RNF2: variants seen among roughly 807,000 people sequenced by gnomAD.
RNF2 encodes E3 ubiquitin-protein ligase RING2.
A neutral mutation model predicts 37.2 loss-of-function variants in RNF2; 6 were observed. That is an observed-to-expected ratio of 0.16 (90% CI 0.09 to 0.32). The LOEUF is 0.32. RNF2 is among the 10% of genes least tolerant of loss of function. The pLI, the probability that RNF2 is intolerant of heterozygous loss-of-function variation, is 1.00. For synonymous variants in RNF2, 133 were observed against 132.7 expected, an observed-to-expected ratio of 1.00 and a Z score of -0.02; for missense variants, 251 against 404.0, an observed-to-expected ratio of 0.62 and a Z score of 3.25.
Position 185,101,405 on chromosome 1 carries a change from T to C in RNF2, c.*1104T>C, listed in dbSNP as rs1320922432. ...CCCTGCTTTAATATGTAGTGAAAGATAATTCTGTAGAAAAACGTCAGCCAG... is the reference window on the plus strand; with the variant it reads ...CCCTGCTTTAATATGTAGTGAAAGACAATTCTGTAGAAAAACGTCAGCCAG... On this transcript the variant is annotated 3_prime_UTR_variant, in exon 7 of 7. Transcript: ENST00000367510. 1 of 152,566 alleles carries C rather than the reference T, an allele frequency of 6.6e-6. No homozygotes were observed. The highest frequency in any genetic ancestry group is 6.5e-5 in the Admixed American group (1 of 15,274). The allele number at this position is 152,566 out of a possible 1,614,324, so 9.5% of individuals were successfully genotyped here.
intron 1 of RNF2, among the ~76,000 whole-genome samples, chr1:185,083,609 A>G (rs1287842856): frequency 2.0e-5 from 3 of 150,942 alleles, no homozygotes; most frequent in East Asian, 1.9e-4. Flanking sequence ...GGCCAACCCT[A>G]TTTTTCTTAC....
At chr1:185,081,742 G>A (rs2102186687) in intron 1 of RNF2, among the ~76,000 whole-genome samples, 1 of 152,188 alleles carries the variant, frequency 6.6e-6, no homozygotes, top group African/African-American at 2.4e-5. Flanking sequence ...GTTGTGTGAC[G>A]TGCATTTGAG....
At chr1:185,061,955 G>A (rs1438999450) in intron 1 of RNF2, among the ~76,000 whole-genome samples, 1 of 152,176 alleles carries the variant, frequency 6.6e-6, no homozygotes, top group Non-Finnish European at 1.5e-5. Context: ...CAAGAATCTA[G>A]AAGCAGTGCT....
At chr1:185,094,817 G>A (rs1651866654) in intron 4 of RNF2, among the ~76,000 whole-genome samples, 2 of 152,258 alleles carry the variant, frequency 1.3e-5, no homozygotes, top group African/African-American at 2.4e-5. Flanking sequence ...ATTATCGTCT[G>A]ATTTATTCAG....
At chr1:185,068,142 AT>A (rs1650856670) in intron 1 of RNF2, among the ~76,000 whole-genome samples, 1 of 152,008 alleles carries the variant, frequency 6.6e-6, no homozygotes, top group South Asian at 2.1e-4. Flanking sequence ...AAGTGGTTAC[AT>A]TTTCTGAAAT....
chr1:185,076,277 T>G (rs1571311323), intron 1 of RNF2, among the ~76,000 whole-genome samples: 1 of 36,120 alleles, frequency 2.8e-5, no homozygotes, highest in Non-Finnish European at 4.9e-5. Flanking sequence ...TGTTTTTTTT[T>G]TTTTTTTTTT....
chr1:185,061,899 A>G (rs1650617946), intron 1 of RNF2, among the ~76,000 whole-genome samples: 2 of 152,234 alleles, frequency 1.3e-5, no homozygotes, highest in South Asian at 4.1e-4. Context: ...TTTACAAATG[A>G]GGAAACTGGA....
chr1:185,077,142 G>A (rs191496272), intron 1 of RNF2, among the ~76,000 whole-genome samples: 16 of 151,818 alleles, frequency 1.1e-4, no homozygotes, highest in African/African-American at 3.9e-4. Context: ...AGCCTTTTTG[G>A]CATTTTTTTT....
chr1:185,047,864 A>G (rs903279784), intron 1 of RNF2, among the ~76,000 whole-genome samples: 1 of 152,250 alleles, frequency 6.6e-6, no homozygotes, highest in African/African-American at 2.4e-5. Flanking sequence ...TGTAGAAGAC[A>G]TTGTCATCAG....
At chr1:185,058,343 A>G (rs557906781) in intron 1 of RNF2, among the ~76,000 whole-genome samples, 14 of 151,940 alleles carry the variant, frequency 9.2e-5, no homozygotes, top group Admixed American at 2.0e-4. Flanking sequence ...TCAGAACCCC[A>G]TGGATACTCA....
intron 1 of RNF2, among the ~76,000 whole-genome samples, chr1:185,059,032 C>T (rs1482180791): frequency 6.6e-6 from 1 of 152,200 alleles, no homozygotes; most frequent in Non-Finnish European, 1.5e-5. Flanking sequence ...CTAGCTTCCT[C>T]TTCCTGGTCC....
chr1:185,052,524 T>C (rs1650301058), intron 1 of RNF2, among the ~76,000 whole-genome samples: 1 of 152,116 alleles, frequency 6.6e-6, no homozygotes, highest in Admixed American at 6.5e-5. Flanking sequence ...GAAAAATCCA[T>C]AGATTGGTGG....
intron 1 of RNF2, among the ~76,000 whole-genome samples, chr1:185,084,768 C>A (rs1455605080): frequency 6.6e-6 from 1 of 152,192 alleles, no homozygotes; most frequent in Admixed American, 6.5e-5. Flanking sequence ...ATGCATATAG[C>A]AGGAATTCTA....
chr1:185,046,707 T>G (rs1169684770), intron 1 of RNF2, among the ~76,000 whole-genome samples: 1 of 152,178 alleles, frequency 6.6e-6, no homozygotes, highest in African/African-American at 2.4e-5. Context: ...TAATACGCTG[T>G]TTTTCAATTA....
Position 185,101,357 on chromosome 1 carries a change from G to T in RNF2, c.*1056G>T, listed in dbSNP as rs942637728. The T allele has an allele frequency of 6.6e-6, 1 of 152,504 alleles. No homozygotes were observed. Among genetic ancestry groups the T allele is most frequent in the Non-Finnish European group, 1.5e-5 (1 of 67,958 alleles). The allele number at this position is 152,504 out of a possible 1,614,324, so 9.4% of individuals were successfully genotyped here. ...TTTGGCGCTCTTTTAATTACACTCT[G>T]TAGAAGGTTAATAGAGCTTGAGCCC... On this transcript the variant is annotated 3_prime_UTR_variant, in exon 7 of 7. Coordinates refer to ENST00000367510, the MANE Select transcript of RNF2 (RefSeq NM_007212.4).
chr1:185,081,396 T>C, intron 1 of RNF2, among the ~76,000 whole-genome samples: 1 of 37,846 alleles, frequency 2.6e-5, no homozygotes, highest in African/African-American at 5.1e-5. Context: ...ATTCCATCAA[T>C]TTTTTTTTTT....
intron 1 of RNF2, among the ~76,000 whole-genome samples, chr1:185,080,445 A>G (rs1651312381): frequency 6.6e-6 from 1 of 152,228 alleles, no homozygotes; most frequent in African/African-American, 2.4e-5. Context: ...GCAAAGAGAC[A>G]CTAATTCTCA....
At chr1:185,055,664 A>G (rs1033556085) in intron 1 of RNF2, among the ~76,000 whole-genome samples, 1 of 152,170 alleles carries the variant, frequency 6.6e-6, no homozygotes, top group African/African-American at 2.4e-5. Flanking sequence ...CAAGTGATCC[A>G]TCTGCCTTGG....
chr1:185,076,716 A>T (rs955757800), intron 1 of RNF2, among the ~76,000 whole-genome samples: 12 of 152,024 alleles, frequency 7.9e-5, no homozygotes, highest in African/African-American at 2.7e-4. Flanking sequence ...AAATACCCTA[A>T]ATTCACATAT....
Sources: allele counts gnomAD v4.1 joint callset (sites outside exome capture counted in the v4.1 genomes callset), GRCh38; gene constraint gnomAD v4.1.1; transcripts MANE v1.5; gene names NCBI Gene and HGNC (gene_info 2026-07-23, HGNC 2026-07-21).